PRRC2B: variants seen among roughly 807,000 people sequenced by gnomAD.
PRRC2B encodes protein PRRC2B.
PRRC2B carries 68 observed loss-of-function variants against 242.3 expected under a neutral mutation model. The observed-to-expected ratio is 0.28, with a 90% CI of 0.23 to 0.34. The LOEUF is 0.34. Among genes scored for constraint, PRRC2B ranks in the 10% least tolerant of loss-of-function variants. PRRC2B has a pLI of 1.00. For synonymous variants in PRRC2B, 1,228 were observed against 1,173.6 expected (o/e 1.05, Z -0.95); for missense variants, 2,835 against 2,954.8 (o/e 0.96, Z 0.94).
At chr9:131,493,321 T>C (rs914547933) in intron 30 of PRRC2B, among the ~76,000 whole-genome samples, 22 of 152,244 alleles carry the variant, frequency 1.4e-4, no homozygotes, top group Non-Finnish European at 2.4e-4. Context: ...TTTCCTACCA[T>C]GTCTGTCACA....
Position 131,446,285 on chromosome 9 carries a change from T to C in PRRC2B, c.614-116T>C. ...ACAGTTCTTCACTTTTGGTGTTTTT[T>C]GTTTTTCATTTTATTTTTTTGGTGA... On this transcript the variant is annotated intron_variant, in intron 6 of 31. Transcript: ENST00000683519. The surrounding 1 kb of genome is among the most constrained non-coding windows in gnomAD (Gnocchi z 4.1). 2 of 1,304,086 alleles carry C rather than the reference T, an allele frequency of 1.5e-6. No homozygotes were observed. The highest frequency in any genetic ancestry group is 1.0e-6 in the Non-Finnish European group (1 of 961,976). 80.8% of individuals were successfully genotyped at this position (1,304,086 alleles called of 1,614,324 possible). A position where few individuals can be genotyped will look rare whatever the true frequency, so the allele number is the denominator to read the frequency against.
chr9:131,450,353 C>T (rs1004287589), intron 9 of PRRC2B, among the ~76,000 whole-genome samples: 9 of 150,608 alleles, frequency 6.0e-5, no homozygotes, highest in African/African-American at 2.0e-4. Flanking sequence ...TTGCAACCTC[C>T]GCCTCCCGGG....
intron 9 of PRRC2B, among the ~76,000 whole-genome samples, chr9:131,453,311 G>A (rs1407575945): frequency 6.6e-6 from 1 of 152,168 alleles, no homozygotes; most frequent in Non-Finnish European, 1.5e-5. Flanking sequence ...TTAGTAGACA[G>A]CACGTAATTG....
intron 1 of PRRC2B, among the ~76,000 whole-genome samples, chr9:131,399,452 G>A (rs1564273458): frequency 6.6e-6 from 1 of 151,678 alleles, no homozygotes; most frequent in South Asian, 2.1e-4. Context: ...GGTGGCGGGC[G>A]CCTGTAGTCC....
At chr9:131,466,210 G>C (rs1943391625) in intron 12 of PRRC2B, among the ~76,000 whole-genome samples, 1 of 152,230 alleles carries the variant, frequency 6.6e-6, no homozygotes, top group African/African-American at 2.4e-5. Context: ...GAGTCCTAGT[G>C]CCCTTCTGGC....
intron 1 of PRRC2B, among the ~76,000 whole-genome samples, chr9:131,376,905 A>C (rs1249030014): frequency 6.6e-6 from 1 of 151,890 alleles, no homozygotes; most frequent in Non-Finnish European, 1.5e-5. Flanking sequence ...TACTCGAGAC[A>C]CTGAGGCAGG....
chr9:131,455,216 T>C, intron 10 of PRRC2B, 50 bp downstream of exon 10: 2 of 1,298,936 alleles, frequency 1.5e-6, no homozygotes, highest in Non-Finnish European at 2.2e-6. Context: ...CTGCTTAGTG[T>C]TGTTGTGTAC....
chr9:131,410,349 G>T (rs1837473893), intron 1 of PRRC2B, among the ~76,000 whole-genome samples: 1 of 152,214 alleles, frequency 6.6e-6, no homozygotes, highest in Admixed American at 6.5e-5. Flanking sequence ...AACAGTGCCA[G>T]CGCCAGTTCA....
At chr9:131,493,828 G>A (rs536127923) in intron 30 of PRRC2B, among the ~76,000 whole-genome samples, 1 of 152,110 alleles carries the variant, frequency 6.6e-6, no homozygotes, top group Non-Finnish European at 1.5e-5. Flanking sequence ...TGAGAGTCCT[G>A]TTGAACTCTG....
chr9:131,395,526 C>T (rs748624256), intron 1 of PRRC2B, among the ~76,000 whole-genome samples: 1 of 152,158 alleles, frequency 6.6e-6, no homozygotes, highest in Non-Finnish European at 1.5e-5. Context: ...CTGCATAAAT[C>T]GGGGCGTGCA....
At chr9:131,405,725 G>C (rs186266783) in intron 1 of PRRC2B, among the ~76,000 whole-genome samples, 81 of 152,226 alleles carry the variant, frequency 5.3e-4, no homozygotes, top group African/African-American at 1.8e-3. Context: ...CTCCTGGGGG[G>C]GTTATTGTTA....
At chr9:131,399,397 A>G (rs896718530) in intron 1 of PRRC2B, among the ~76,000 whole-genome samples, 2 of 151,544 alleles carry the variant, frequency 1.3e-5, no homozygotes, top group African/African-American at 4.9e-5. Context: ...GGCTAACACG[A>G]TGAAACCCCG....
chr9:131,417,445 G>C (rs572129037), intron 1 of PRRC2B, among the ~76,000 whole-genome samples: 1 of 152,174 alleles, frequency 6.6e-6, no homozygotes. Flanking sequence ...GCAGCCTTCA[G>C]CCAGTCCCCC....
At chr9:131,472,579 C>T (rs967108962) in intron 14 of PRRC2B, among the ~76,000 whole-genome samples, 7 of 150,338 alleles carry the variant, frequency 4.7e-5, no homozygotes, top group African/African-American at 7.4e-5. Flanking sequence ...CGGGTTCAAG[C>T]GATTCTCCTG....
intron 1 of PRRC2B, among the ~76,000 whole-genome samples, chr9:131,399,899 T>G (rs1481447442): frequency 1.3e-5 from 2 of 152,180 alleles, no homozygotes; most frequent in African/African-American, 2.4e-5. Flanking sequence ...TTCCCTCCTA[T>G]AAGAGAAACT....
intron 4 of PRRC2B, among the ~76,000 whole-genome samples, chr9:131,437,227 A>G (rs1380100551): frequency 6.6e-6 from 1 of 152,330 alleles, no homozygotes; most frequent in Non-Finnish European, 1.5e-5. Flanking sequence ...AGAGGATATA[A>G]TGGGCAGCAG....
At chr9:131,409,242 G>C (rs527945112) in intron 1 of PRRC2B, among the ~76,000 whole-genome samples, 1 of 151,896 alleles carries the variant, frequency 6.6e-6, no homozygotes, top group Non-Finnish European at 1.5e-5. Context: ...GGCTGGTCTC[G>C]AACTCCCGAC....
chr9:131,451,489 T>C (rs1942917488), intron 9 of PRRC2B, among the ~76,000 whole-genome samples: 2 of 152,252 alleles, frequency 1.3e-5, no homozygotes, highest in South Asian at 4.1e-4. Context: ...TTTTTGTTGA[T>C]TTCTTAGAGT....
Position 131,446,714 on chromosome 9 carries a change from G to T in PRRC2B, c.855+72G>T. On this transcript the variant is annotated intron_variant, in intron 7 of 31. Coordinates refer to ENST00000683519, the MANE Select transcript of PRRC2B (RefSeq NM_013318.4). This position sits in a 1 kb window ranked among gnomAD's most constrained non-coding sequence, Gnocchi z 4.1. ...TGTCCAGCAGATAGGTCAAGTGGTT[G>T]AATGTCCCCCTTGGGGTCTCCTCTT... 6.4e-7 allele frequency: 1 copy of T among 1,556,744 alleles called. No individual in the cohort carries two copies. The highest frequency in any genetic ancestry group is 1.2e-5 in the South Asian group (1 of 84,590).
Sources: allele counts gnomAD v4.1 joint callset (sites outside exome capture counted in the v4.1 genomes callset), GRCh38; gene constraint gnomAD v4.1.1; non-coding constraint Gnocchi (gnomAD v3.1); transcripts MANE v1.5; gene names NCBI Gene and HGNC (gene_info 2026-07-23, HGNC 2026-07-21).